MAP3K9: variants seen among roughly 807,000 people sequenced by gnomAD.
MAP3K9 encodes the protein mitogen-activated protein kinase kinase kinase 9.
MAP3K9 carries 46 observed loss-of-function variants against 95.8 expected under a neutral mutation model. The ratio of observed to expected loss-of-function variants is 0.48; its 90% CI spans 0.38 to 0.61. The LOEUF is 0.61. Among genes scored for constraint, MAP3K9 ranks in the 20% least tolerant of loss-of-function variants. The probability of loss-of-function intolerance (pLI) is 0.00; values close to 1 mark genes in which losing one functional copy is unlikely to be tolerated. For synonymous variants in MAP3K9, 533 were observed against 593.8 expected (o/e 0.90, Z 1.49); for missense variants, 1,296 against 1,474.3 (o/e 0.88, Z 1.98).
At position 70,763,640 on chromosome 14, in the gene MAP3K9, C is replaced by A. The variant is rs577953281; in HGVS notation, c.821-2458G>T. Among the ~76,000 whole-genome samples, 4 of 152,026 alleles carry A rather than the reference C, an allele frequency of 2.6e-5. No individual in the cohort carries two copies. The South Asian group carries it at 8.3e-4, about 32-fold the overall frequency. ...CAATCTCCTGGGCTCAAGTGATTCTCCCACCTCAGCCTCCTGAGTAGCTGT... is the reference window on the plus strand; with the variant it reads ...CAATCTCCTGGGCTCAAGTGATTCTACCACCTCAGCCTCCTGAGTAGCTGT... On this transcript the variant is annotated intron_variant, in intron 2 of 11. Transcript: ENST00000554752.
intron 2 of MAP3K9, among the ~76,000 whole-genome samples, chr14:70,792,345 G>A (rs2054816275): frequency 6.6e-6 from 1 of 152,124 alleles, no homozygotes; most frequent in Non-Finnish European, 1.5e-5. Context: ...AACCACCAAA[G>A]GACCTGACTA....
chr14:70,744,875 A>C (rs1313221028), intron 5 of MAP3K9, among the ~76,000 whole-genome samples: 3 of 152,182 alleles, frequency 2.0e-5, no homozygotes, highest in Non-Finnish European at 4.4e-5. Context: ...ACCCAAGAAC[A>C]GGCCCTTTTG....
At chr14:70,780,412 G>A (rs2054659236) in intron 2 of MAP3K9, among the ~76,000 whole-genome samples, 1 of 152,064 alleles carries the variant, frequency 6.6e-6, no homozygotes, top group African/African-American at 2.4e-5. Context: ...CTCTTTCTTG[G>A]AGGCCGTACC....
chr14:70,731,918 G>A (rs947210802), intron 11 of MAP3K9, among the ~76,000 whole-genome samples: 1 of 152,182 alleles, frequency 6.6e-6, no homozygotes, highest in Non-Finnish European at 1.5e-5. Context: ...GAAAGAGATG[G>A]TGACAGGAAA....
chr14:70,798,626 C>A (rs1301414593), intron 2 of MAP3K9, among the ~76,000 whole-genome samples: 1 of 150,832 alleles, frequency 6.6e-6, no homozygotes, highest in Non-Finnish European at 1.5e-5. Flanking sequence ...CTACAGGCAC[C>A]CGCCACTACG....
At position 70,738,412 on chromosome 14, in the gene MAP3K9, GGGTT is replaced by G. The variant is rs1173589070; in HGVS notation, c.1691-18_1691-15del. 1.2e-6 allele frequency: 2 copies of G among 1,612,756 alleles called. No homozygotes were observed. Among genetic ancestry groups the G allele is most frequent in the Non-Finnish European group, 1.7e-6 (2 of 1,179,418 alleles). On this transcript the variant is annotated splice_polypyrimidine_tract_variant and intron_variant, in intron 7 of 11. Coordinates refer to ENST00000554752, the MANE Select transcript of MAP3K9 (RefSeq NM_001284230.2). ...CACCTGGTGTCACTGTGAATCACAA[GGGTT>G]GGATAGGATCTAGAAAATGGACAGA...
chr14:70,771,540 G>C (rs1321814291), intron 2 of MAP3K9, among the ~76,000 whole-genome samples: 2 of 152,040 alleles, frequency 1.3e-5, no homozygotes, highest in African/African-American at 2.4e-5. Flanking sequence ...AAGGCAGAAA[G>C]AAAAAAGCAA....
chr14:70,779,689 G>C (rs891711860), intron 2 of MAP3K9, among the ~76,000 whole-genome samples: 1 of 152,134 alleles, frequency 6.6e-6, no homozygotes, highest in Admixed American at 6.5e-5. Context: ...CTAGAAACAG[G>C]GTTCCTTCAT....
At chr14:70,733,844 C>A (rs1212686438) in intron 10 of MAP3K9, 1 of 717,306 alleles carries the variant, frequency 1.4e-6, no homozygotes, top group African/African-American at 1.7e-5. Flanking sequence ...GTTTGCTGAG[C>A]TTCCTCTCTC....
chr14:70,735,812 G>A (rs539798687), intron 9 of MAP3K9, 149 bp downstream of exon 9: 3 of 673,062 alleles, frequency 4.5e-6, no homozygotes, highest in East Asian at 2.7e-5. Context: ...GTGCACAATG[G>A]TACTGCTTAA....
Position 70,800,692 on chromosome 14 carries a change from G to A in MAP3K9, c.795C>T (p.Ile265=). The A allele has an allele frequency of 2.5e-6, 4 of 1,613,978 alleles. No individual in the cohort carries two copies. The highest frequency in any genetic ancestry group is 1.1e-5 in the South Asian group (1 of 91,040). Residue 265 remains isoleucine, a synonymous_variant, in exon 2 of 12, where the codon ATC becomes ATT. Coordinates refer to ENST00000554752, the MANE Select transcript of MAP3K9 (RefSeq NM_001284230.2). ...TGTTGCTGGACTTAAGGTCGCGGTG[G>A]ATGATGGGAACAATTGCCTCATCAT... is the stretch of plus-strand genomic sequence containing the variant. ...YLHDEAIVPI[I]HRDLKSSNIL...
At chr14:70,781,044 C>T (rs1050816842) in intron 2 of MAP3K9, among the ~76,000 whole-genome samples, 16 of 152,238 alleles carry the variant, frequency 1.1e-4, no homozygotes, top group African/African-American at 2.9e-4. Context: ...ATCCTCTGTG[C>T]TTTTCCCCAG....
Position 70,742,441 on chromosome 14 carries a change from G to C in MAP3K9, c.1477C>G (p.Gln493Glu). The change falls in exon 6 of 12, where the codon CAG becomes GAG. Residue 493 changes from glutamine to glutamate, a missense_variant. Physicochemically the swap from Gln to Glu is conservative, Grantham distance 29. This residue lies in a region of MAP3K9 where 377 missense variants were observed against 417.1 expected (regional missense o/e 0.90). Transcript: ENST00000554752. ...CGTTTCTTCACCCGGGGCTTCTCCT[G>C]GCACAGCTGGTGGATGATGATGTTG... ...ELNIIIHQLC[Q>E]EKPRVKKRKG... The C allele has an allele frequency of 6.2e-7, 1 of 1,614,164 alleles. No individual in the cohort carries two copies. The highest frequency in any genetic ancestry group is 8.5e-7 in the Non-Finnish European group (1 of 1,180,040).
intron 8 of MAP3K9, among the ~76,000 whole-genome samples, chr14:70,737,220 G>GT (rs2053998081): frequency 6.6e-6 from 1 of 152,202 alleles, no homozygotes. Flanking sequence ...AGCAGGAAGT[G>GT]TCATCACAGC....
chr14:70,738,158 C>T (rs1421285095), intron 8 of MAP3K9, 87 bp downstream of exon 8: 2 of 1,366,638 alleles, frequency 1.5e-6, no homozygotes, highest in South Asian at 1.5e-5. Context: ...AAACACACGA[C>T]AGAGAAAAAA....
At chr14:70,739,502 TCACACACACA>T (rs141869536) in intron 7 of MAP3K9, among the ~76,000 whole-genome samples, 2 of 148,394 alleles carry the variant, frequency 1.3e-5, no homozygotes, top group Non-Finnish European at 3.0e-5. Flanking sequence ...AGGTGTATGT[TCACACACACA>T]CACACACACA....
At position 70,740,200 on chromosome 14, in the gene MAP3K9, C is replaced by T. The variant is rs114853470; in HGVS notation, c.1568-36G>A. Reference sequence around the variant, plus strand: ...AAAGACAAACACGTGTATGCATTAACATTTCCCATAATTAAATTCATATAA... The same window carrying T: ...AAAGACAAACACGTGTATGCATTAATATTTCCCATAATTAAATTCATATAA... On this transcript the variant is annotated intron_variant, in intron 6 of 11. Transcript: ENST00000554752. The T allele has an allele frequency of 2.2e-3, 3,535 of 1,590,322 alleles. 82 individuals are homozygous for T. In the African/African-American group the frequency reaches 0.042, roughly 19 times the overall value.
Position 70,723,742 on chromosome 14 carries a change from A to C in MAP3K9, c.*6638T>G, listed in dbSNP as rs1341024596. ...CCCAGAATTATTGTAAGGAGTCAAA[A>C]ATTATATATATATGAATCACTAGGA... On this transcript the variant is annotated 3_prime_UTR_variant, in exon 12 of 12. Coordinates refer to ENST00000554752, the MANE Select transcript of MAP3K9 (RefSeq NM_001284230.2). The C allele has an allele frequency of 6.6e-6, 1 of 152,048 alleles. No homozygotes were observed. 9.4% of individuals were successfully genotyped at this position (152,048 alleles called of 1,614,324 possible). A position where few individuals can be genotyped will look rare whatever the true frequency, so the allele number is the denominator to read the frequency against.
Position 70,727,630 on chromosome 14 carries a change from A to C in MAP3K9, c.*2750T>G, listed in dbSNP as rs1479451682. 2 of 152,292 alleles carry C rather than the reference A, an allele frequency of 1.3e-5. No individual in the cohort carries two copies. The highest frequency in any genetic ancestry group is 2.9e-5 in the Non-Finnish European group (2 of 68,100). The allele number at this position is 152,292 out of a possible 1,614,324, so 9.4% of individuals were successfully genotyped here. On this transcript the variant is annotated 3_prime_UTR_variant, in exon 12 of 12. Transcript: ENST00000554752. ...CTATACAGATCCTTAGCCCATCTCC[A>C]ACCTTGCCCCACTGAGAGAGTGCAG...
Sources: allele counts gnomAD v4.1 joint callset (sites outside exome capture counted in the v4.1 genomes callset), GRCh38; gene constraint gnomAD v4.1.1; regional missense constraint gnomAD v4.1.1; transcripts MANE v1.5; gene names NCBI Gene and HGNC (gene_info 2026-07-23, HGNC 2026-07-21).